MDGA2: variants seen among roughly 807,000 people sequenced by gnomAD.
The protein encoded by MDGA2 is MAM domain containing glycosylphosphatidylinositol anchor 2, also known as MAM domain-containing glycosylphosphatidylinositol anchor protein 2.
MDGA2 carries 40 observed loss-of-function variants against 117.8 expected under a neutral mutation model. That is an observed-to-expected ratio of 0.34 (90% confidence interval 0.26 to 0.44). MDGA2 has a LOEUF of 0.44. Among genes scored for constraint, MDGA2 ranks in the 20% least tolerant of loss-of-function variants. The probability of loss-of-function intolerance (pLI) is 1.00; values close to 1 mark genes in which losing one functional copy is unlikely to be tolerated. For missense variants in MDGA2, 1,123 were observed against 1,250.6 expected, an observed-to-expected ratio of 0.90 and a Z score of 1.54; for synonymous variants, 452 against 439.0, an observed-to-expected ratio of 1.03 and a Z score of -0.37.
At chr14:47,502,097 T>C (rs1182536669) in intron 1 of MDGA2, among the ~76,000 whole-genome samples, 1 of 152,140 alleles carries the variant, frequency 6.6e-6, no homozygotes, top group African/African-American at 2.4e-5. Flanking sequence ...ATAAGTTGAC[T>C]TAAAAGGTCC....
chr14:47,529,336 T>C (rs899949324), intron 1 of MDGA2, among the ~76,000 whole-genome samples: 3 of 152,174 alleles, frequency 2.0e-5, no homozygotes, highest in Non-Finnish European at 4.4e-5. Context: ...TATCACTTTT[T>C]AAATTTATTT....
At position 47,675,453 on chromosome 14, in the gene MDGA2, G is replaced by A. The variant is rs1464908991; in HGVS notation, c.-657C>T. Among the ~76,000 whole-genome samples the A allele has an allele frequency of 1.3e-5, 2 of 152,072 alleles. No homozygotes were observed. Among genetic ancestry groups the A allele is most frequent in the African/African-American group, 4.8e-5 (2 of 41,438 alleles). On this transcript the variant is annotated 5_prime_UTR_variant, in exon 1 of 17. Coordinates refer to ENST00000399232, the MANE Select transcript of MDGA2 (RefSeq NM_001113498.3). ...ACAGGGAGCGGAGTGTGCGTCTGGA[G>A]CTCGCTTGGGCACACCAGCCCAGCC...
intron 1 of MDGA2, among the ~76,000 whole-genome samples, chr14:47,601,861 A>G (rs576039416): frequency 8.1e-4 from 123 of 152,292 alleles, no homozygotes; most frequent in African/African-American, 2.8e-3. Context: ...ATGAAAGTTG[A>G]ACTTGATTTA....
intron 14 of MDGA2, among the ~76,000 whole-genome samples, chr14:46,866,371 C>T (rs930729920): frequency 2.5e-4 from 38 of 152,122 alleles, no homozygotes; most frequent in Non-Finnish European, 5.1e-4. Context: ...TCCTTCCTTA[C>T]ACCTTATACA....
chr14:47,261,853 A>G (rs1887807163), intron 2 of MDGA2, among the ~76,000 whole-genome samples: 1 of 152,112 alleles, frequency 6.6e-6, no homozygotes, highest in African/African-American at 2.4e-5. Context: ...GAAAGAGTGC[A>G]CTATACTGTA....
intron 6 of MDGA2, among the ~76,000 whole-genome samples, chr14:47,072,797 G>C (rs554343603): frequency 1.2e-3 from 179 of 152,280 alleles, no homozygotes; most frequent in Admixed American, 2.0e-3. Context: ...GGCTCGAACA[G>C]AGAAGGCAGG....
chr14:46,987,314 G>A (rs889384898), intron 8 of MDGA2, among the ~76,000 whole-genome samples: 2 of 152,076 alleles, frequency 1.3e-5, no homozygotes, highest in African/African-American at 2.4e-5. Context: ...TAATGCTGAA[G>A]CACTGTCACA....
intron 8 of MDGA2, among the ~76,000 whole-genome samples, chr14:46,975,768 G>A (rs780272908): frequency 2.6e-5 from 4 of 152,104 alleles, no homozygotes; most frequent in Non-Finnish European, 5.9e-5. Context: ...ATTTCTCAGA[G>A]TTCTAAAGGC....
At chr14:47,348,570 G>A (rs1176621716) in intron 1 of MDGA2, among the ~76,000 whole-genome samples, 1 of 152,082 alleles carries the variant, frequency 6.6e-6, no homozygotes, top group East Asian at 1.9e-4. Context: ...AAATATAATT[G>A]CTTGAGAGAG....
chr14:47,134,757 T>C, intron 4 of MDGA2, among the ~76,000 whole-genome samples: 1 of 149,550 alleles, frequency 6.7e-6, no homozygotes, highest in East Asian at 1.9e-4. Flanking sequence ...TTTATGTGTG[T>C]ATATATACAC....
intron 8 of MDGA2, among the ~76,000 whole-genome samples, chr14:47,022,612 G>T (rs1888326614): frequency 6.6e-6 from 1 of 152,076 alleles, no homozygotes; most frequent in African/African-American, 2.4e-5. Flanking sequence ...TTTTAAAAAG[G>T]TACAGACTTA....
chr14:46,982,729 A>G (rs2138390227), intron 8 of MDGA2, among the ~76,000 whole-genome samples: 1 of 150,554 alleles, frequency 6.6e-6, no homozygotes, highest in East Asian at 1.9e-4. Context: ...AAAAAAAAAA[A>G]AAAAAAATCA....
chr14:46,898,507 A>G (rs1037316845), intron 10 of MDGA2, among the ~76,000 whole-genome samples: 1 of 152,096 alleles, frequency 6.6e-6, no homozygotes, highest in African/African-American at 2.4e-5. Context: ...AGAATATAGA[A>G]GCATTAAGTT....
intron 1 of MDGA2, among the ~76,000 whole-genome samples, chr14:47,594,727 C>A (rs539969819): frequency 3.3e-5 from 5 of 152,324 alleles, no homozygotes; most frequent in African/African-American, 1.2e-4. Context: ...AGGCCTAGTT[C>A]CCACTGCGAG....
At chr14:47,350,464 C>T (rs1890853588) in intron 1 of MDGA2, among the ~76,000 whole-genome samples, 1 of 152,052 alleles carries the variant, frequency 6.6e-6, no homozygotes. Context: ...TGAATAATAC[C>T]GTTACCTATT....
chr14:47,317,254 A>G (rs1482772318), intron 1 of MDGA2, among the ~76,000 whole-genome samples: 1 of 152,164 alleles, frequency 6.6e-6, no homozygotes, highest in Non-Finnish European at 1.5e-5. Flanking sequence ...ACAGGTACTC[A>G]AAATCTTTTT....
chr14:47,647,420 C>T, intron 1 of MDGA2, among the ~76,000 whole-genome samples: 1 of 149,468 alleles, frequency 6.7e-6, no homozygotes, highest in Non-Finnish European at 1.5e-5. Context: ...CAGACACAAG[C>T]TTTAAAAAGG....
intron 2 of MDGA2, among the ~76,000 whole-genome samples, chr14:47,245,597 G>C (rs1329672499): frequency 6.6e-6 from 1 of 151,632 alleles, no homozygotes; most frequent in Admixed American, 6.6e-5. Context: ...TGAAATAAGA[G>C]AAAAATTTTT....
chr14:47,151,513 A>C (rs867704563), intron 3 of MDGA2, among the ~76,000 whole-genome samples: 2 of 152,206 alleles, frequency 1.3e-5, no homozygotes, highest in Non-Finnish European at 2.9e-5. Flanking sequence ...TTTATTCAAC[A>C]GTCAATTTTC....
Sources: gnomAD v4.1 joint callset for allele counts (sites outside exome capture counted in the v4.1 genomes callset) on GRCh38, gnomAD v4.1.1 for gene constraint, MANE v1.5 for transcripts, NCBI Gene and HGNC (gene_info 2026-07-23, HGNC 2026-07-21) for gene names.